Variants in KCNMA1 observed in about 807,000 individuals in gnomAD.
KCNMA1 encodes the protein potassium calcium-activated channel subfamily M alpha 1, also known as Calcium-activated potassium channel subunit alpha-1.
KCNMA1 carries 29 observed loss-of-function variants against 140.0 expected under a neutral mutation model. The ratio of observed to expected loss-of-function variants is 0.21; its 90% CI spans 0.15 to 0.28. The LOEUF is 0.28. KCNMA1 is among the 10% of genes least tolerant of loss of function. The pLI, the probability that KCNMA1 is intolerant of heterozygous loss-of-function variation, is 1.00. For synonymous variants in KCNMA1, 612 were observed against 611.9 expected (o/e 1.00, Z 0.00); for missense variants, 880 against 1,602.2 (o/e 0.55, Z 7.70).
intron 19 of KCNMA1, chr10:76,973,858 G>T (rs2076770108): frequency 6.6e-6 from 1 of 152,122 alleles, no homozygotes. Context: ...GGAGTGAAAT[G>T]GGGCAATGAT....
chr10:77,207,074 C>T (rs749355766), intron 3 of KCNMA1, among the ~76,000 whole-genome samples: 2 of 152,086 alleles, frequency 1.3e-5, no homozygotes, highest in Non-Finnish European at 2.9e-5. Context: ...TTTTGACTTA[C>T]ACTTAACCAC....
intron 15 of KCNMA1, among the ~76,000 whole-genome samples, chr10:77,033,743 T>C (rs181642349): frequency 1.4e-4 from 22 of 152,302 alleles, no homozygotes; most frequent in Middle Eastern, 3.4e-3. Context: ...ACTGCCTCAG[T>C]AGCCTGTTAT....
chr10:77,094,953 G>T (rs188926515), intron 9 of KCNMA1, among the ~76,000 whole-genome samples: 1 of 152,210 alleles, frequency 6.6e-6, no homozygotes, highest in East Asian at 1.9e-4. Flanking sequence ...TGCTCACCTT[G>T]GCCCCCAAAG....
intron 22 of KCNMA1, among the ~76,000 whole-genome samples, chr10:76,945,322 C>G (rs1591537843): frequency 6.6e-6 from 1 of 152,250 alleles, no homozygotes; most frequent in East Asian, 1.9e-4. Context: ...AAGTAACTGT[C>G]CTGTGGCAAC....
At chr10:77,498,868 T>A (rs1375549999) in intron 1 of KCNMA1, 1 of 152,082 alleles carries the variant, frequency 6.6e-6, no homozygotes, top group Admixed American at 6.5e-5. Flanking sequence ...ATTATCATCA[T>A]GGCCAAGAGC....
At chr10:77,620,873 C>G (rs1276379829) in intron 1 of KCNMA1, among the ~76,000 whole-genome samples, 4 of 152,172 alleles carry the variant, frequency 2.6e-5, no homozygotes, top group Admixed American at 2.6e-4. Flanking sequence ...GCAGGCTGTG[C>G]ACTGCACAAC....
At chr10:76,924,617 G>T (rs1420674457) in intron 23 of KCNMA1, among the ~76,000 whole-genome samples, 2 of 152,158 alleles carry the variant, frequency 1.3e-5, no homozygotes, top group African/African-American at 4.8e-5. Context: ...ATCTGTAAGG[G>T]TCTGACAGGT....
chr10:76,879,131 G>A (rs1564668296), intron 29 of KCNMA1, among the ~76,000 whole-genome samples: 2 of 152,104 alleles, frequency 1.3e-5, no homozygotes, highest in Admixed American at 6.5e-5. Flanking sequence ...TTTGGCTAAT[G>A]ATTTATAAAT....
At chr10:77,111,100 G>C (rs751434734) in intron 7 of KCNMA1, among the ~76,000 whole-genome samples, 1 of 152,200 alleles carries the variant, frequency 6.6e-6, no homozygotes, top group Admixed American at 6.5e-5. Context: ...GGCTGGATTT[G>C]GAGAGCTTTG....
intron 2 of KCNMA1, among the ~76,000 whole-genome samples, chr10:77,366,772 A>C (rs42453): frequency 0.81 from 122,665 of 152,190 alleles, 49,574 homozygotes; most frequent in Middle Eastern, 0.88. Context: ...TGGAGTGGGC[A>C]GCACAGATTG....
At chr10:77,027,409 G>A (rs2093560572) in intron 16 of KCNMA1, among the ~76,000 whole-genome samples, 1 of 152,210 alleles carries the variant, frequency 6.6e-6, no homozygotes, top group Admixed American at 6.5e-5. Context: ...GCTATCAAGA[G>A]AGTTGGTGTC....
intron 18 of KCNMA1, among the ~76,000 whole-genome samples, chr10:77,004,395 G>A (rs377746161): frequency 1.6e-4 from 25 of 152,172 alleles, no homozygotes; most frequent in Admixed American, 1.3e-3. Flanking sequence ...GCTCTTTTTC[G>A]CTACTGCTGG....
At chr10:77,134,988 A>G (rs1245320363) in intron 5 of KCNMA1, among the ~76,000 whole-genome samples, 1 of 115,144 alleles carries the variant, frequency 8.7e-6, no homozygotes, top group Non-Finnish European at 1.8e-5. Context: ...ACAGAGCAAG[A>G]CTCTGTCTCA....
chr10:77,123,572 G>A (rs755517177), intron 5 of KCNMA1, among the ~76,000 whole-genome samples: 1 of 152,118 alleles, frequency 6.6e-6, no homozygotes, highest in Non-Finnish European at 1.5e-5. Context: ...GAAGGCGACT[G>A]GCAGTTAGCA....
chr10:77,634,177 C>A, intron 1 of KCNMA1: 1 of 985,364 alleles, frequency 1.0e-6, no homozygotes, highest in African/African-American at 1.7e-5. Flanking sequence ...TAGTCTATGA[C>A]AGGATTGAAC....
intron 14 of KCNMA1, among the ~76,000 whole-genome samples, chr10:77,062,113 G>C (rs940749976): frequency 2.0e-5 from 3 of 152,132 alleles, no homozygotes; most frequent in Non-Finnish European, 2.9e-5. Context: ...CAACTTTACT[G>C]TATGTTAATT....
At chr10:76,937,056 C>T (rs1419065919) in intron 23 of KCNMA1, among the ~76,000 whole-genome samples, 1 of 152,212 alleles carries the variant, frequency 6.6e-6, no homozygotes, top group Non-Finnish European at 1.5e-5. Context: ...ACTCATCTCT[C>T]TACCAATCTC....
intron 1 of KCNMA1, among the ~76,000 whole-genome samples, chr10:77,505,461 G>A (rs2045486524): frequency 6.6e-6 from 1 of 152,244 alleles, no homozygotes; most frequent in Non-Finnish European, 1.5e-5. Context: ...AAAGATTAGT[G>A]CCATTAGAGA....
intron 3 of KCNMA1, among the ~76,000 whole-genome samples, chr10:77,234,047 A>C (rs934086529): frequency 6.6e-6 from 1 of 152,222 alleles, no homozygotes; most frequent in Non-Finnish European, 1.5e-5. Flanking sequence ...CAGGTATCTC[A>C]AAGTATTACT....
Sources: gnomAD v4.1 joint callset for allele counts (sites outside exome capture counted in the v4.1 genomes callset) on GRCh38, gnomAD v4.1.1 for gene constraint, MANE v1.5 for transcripts, NCBI Gene and HGNC (gene_info 2026-07-23, HGNC 2026-07-21) for gene names.